Variants in TICRR observed in about 807,000 individuals in gnomAD.
The protein encoded by TICRR is TOPBP1 interacting checkpoint and replication regulator.
In TICRR, 132 loss-of-function variants were observed where a neutral mutation model predicts 178.1. The ratio of observed to expected loss-of-function variants is 0.74; its 90% confidence interval spans 0.64 to 0.86. The LOEUF (loss-of-function observed/expected upper bound fraction) is 0.86. Ranked by LOEUF, TICRR falls within the 40% of genes least tolerant of loss-of-function variation. The pLI is 0.00. For synonymous variants in TICRR, 991 were observed against 900.7 expected (o/e 1.10, Z -1.79); for missense variants, 2,587 against 2,334.3 (o/e 1.11, Z -2.23).
Position 89,608,836 on chromosome 15 carries a change from A to C in TICRR, c.2756A>C (p.Gln919Pro). 6.2e-6 allele frequency: 10 copies of C among 1,603,808 alleles called. No homozygotes were observed. The highest frequency in any genetic ancestry group is 8.5e-6 in the Non-Finnish European group (10 of 1,176,448). The change falls in exon 15 of 22, where the codon CAG (glutamine) becomes CCG (proline). Residue 919 changes from glutamine (Q) to proline (P), a missense_variant. Gln to Pro is a moderately conservative substitution (Grantham distance 76). Transcript: ENST00000268138. ...VTKVRRNLFN[Q>P]ELLSPSKRSL... ...AAAGTTCGAAGAAATCTTTTCAACC[A>C]GGAATTGCTTTCCCCTTCAAAGAGA... is the stretch of plus-strand genomic sequence containing the variant.
intron 1 of TICRR, among the ~76,000 whole-genome samples, chr15:89,577,465 G>A (rs1962643949): frequency 6.6e-6 from 1 of 152,094 alleles, no homozygotes; most frequent in Non-Finnish European, 1.5e-5. Context: ...TGGGGACATG[G>A]TAACCAAAGC....
intron 15 of TICRR, among the ~76,000 whole-genome samples, chr15:89,613,017 T>G (rs1311346318): frequency 1.3e-5 from 2 of 152,248 alleles, no homozygotes; most frequent in African/African-American, 4.8e-5. Context: ...TATAGTTACC[T>G]TTACCAATGC....
Position 89,608,883 on chromosome 15 carries a change from A to G in TICRR, c.2803A>G (p.Arg935Gly). The change falls in exon 15 of 22, where the codon AGA (arginine) becomes GGA (glycine). Residue 935 changes from arginine (R) to glycine (G), a missense_variant. Coordinates refer to ENST00000268138, the MANE Select transcript of TICRR (RefSeq NM_152259.4). ...GAGATCACTAAAGCGGGGGTTGCCT[A>G]GAAGCCATTCTGTGTCAGCTGTGGA... ...SKRSLKRGLP[R>G]SHSVSAVDGL... The G allele has an allele frequency of 3.1e-6, 5 of 1,611,696 alleles. No individual in the cohort carries two copies. The highest frequency in any genetic ancestry group is 4.2e-6 in the Non-Finnish European group (5 of 1,179,242).
intron 15 of TICRR, among the ~76,000 whole-genome samples, chr15:89,614,617 C>T (rs879925093): frequency 5.3e-5 from 8 of 152,350 alleles, no homozygotes; most frequent in Non-Finnish European, 1.0e-4. Flanking sequence ...AAGCATGAGC[C>T]ACTGCACCCA....
chr15:89,577,754 G>A (rs970598080), intron 1 of TICRR, among the ~76,000 whole-genome samples: 1 of 151,604 alleles, frequency 6.6e-6, no homozygotes, highest in African/African-American at 2.4e-5. Flanking sequence ...GATTATAAGC[G>A]GGCGCCACCA....
At chr15:89,590,065 A>C (rs1663024717) in intron 4 of TICRR, among the ~76,000 whole-genome samples, 1 of 152,200 alleles carries the variant, frequency 6.6e-6, no homozygotes, top group Non-Finnish European at 1.5e-5. Flanking sequence ...AAAGGTGAAG[A>C]TGGCATGATG....
In TICRR at chr15:89,603,760, T is replaced by C. The variant is rs138357110; in HGVS notation, c.2664+868T>C. Among the ~76,000 whole-genome samples the C allele has an allele frequency of 3.0e-4, 45 of 152,294 alleles. No homozygotes were observed. In the East Asian group the frequency reaches 7.7e-3, roughly 26 times the overall value. On this transcript the variant is annotated intron_variant, in intron 13 of 21. Transcript: ENST00000268138. Reference sequence around the variant, plus strand: ...TACTGAACCCTATATATAGTACTGTTTTTTCCTATGCATGCATAAGTTCAA... The same window carrying C: ...TACTGAACCCTATATATAGTACTGTCTTTTCCTATGCATGCATAAGTTCAA...
At chr15:89,601,048 G>GAAAAAAA (rs71151515) in intron 9 of TICRR, among the ~76,000 whole-genome samples, 3 of 74,812 alleles carry the variant, frequency 4.0e-5, no homozygotes, top group Non-Finnish European at 7.0e-5. Context: ...CCTGTCTCAG[G>GAAAAAAA]AAAAAAAAAA....
chr15:89,609,659 GA>G (rs1297123824), intron 15 of TICRR, among the ~76,000 whole-genome samples: 2 of 152,052 alleles, frequency 1.3e-5, no homozygotes, highest in Non-Finnish European at 2.9e-5. Context: ...ATTTTTAGTA[GA>G]GACGGGGTTT....
chr15:89,609,604 A>G (rs1478078644), intron 15 of TICRR, among the ~76,000 whole-genome samples: 1 of 151,904 alleles, frequency 6.6e-6, no homozygotes, highest in Non-Finnish European at 1.5e-5. Flanking sequence ...CCTCCCCAGT[A>G]GCTGGGATTA....
rs765855889 is a variant in TICRR, at chr15:89,625,935, G to A, written c.5477-1G>A. On this transcript the variant is annotated splice_acceptor_variant, in intron 20 of 21. Transcript: ENST00000268138. LOFTEE classifies it high-confidence loss of function. ...GCTCTTACTATGTGGGATCTCTTTA[G>A]GCTCCACCCCACCTCCCAGCTGTGC... The A allele has an allele frequency of 6.4e-7, 1 of 1,569,904 alleles. No homozygotes were observed. Among genetic ancestry groups the A allele is most frequent in the Admixed American group, 1.9e-5 (1 of 52,144 alleles).
chr15:89,584,174 A>T, intron 2 of TICRR, 112 bp from the exon 3 acceptor site: 1 of 1,110,478 alleles, frequency 9.0e-7, no homozygotes, highest in East Asian at 2.6e-5. Context: ...CAACTTGATT[A>T]TTTTCTTATT....
At chr15:89,598,419 A>G (rs554567794) in intron 7 of TICRR, among the ~76,000 whole-genome samples, 2 of 152,010 alleles carry the variant, frequency 1.3e-5, no homozygotes, top group Non-Finnish European at 1.5e-5. Context: ...CTGGAGTGCA[A>G]TGGTGCGGTC....
chr15:89,621,332 T>C, intron 18 of TICRR, 61 bp from the exon 19 acceptor site: 1 of 1,531,604 alleles, frequency 6.5e-7, no homozygotes. Flanking sequence ...GCTGTTTTAA[T>C]AGTATTGGAA....
At chr15:89,591,348 T>A (rs1962909273) in intron 4 of TICRR, among the ~76,000 whole-genome samples, 3 of 151,940 alleles carry the variant, frequency 2.0e-5, no homozygotes. Flanking sequence ...GGTCTCAAAC[T>A]CCTGACCTCA....
intron 17 of TICRR, among the ~76,000 whole-genome samples, chr15:89,618,723 A>G (rs1963375413): frequency 6.6e-6 from 1 of 152,218 alleles, no homozygotes; most frequent in Admixed American, 6.5e-5. Context: ...CACTTTGGGA[A>G]GCCAAGTGGG....
At chr15:89,600,886 A>T (rs575104135) in intron 9 of TICRR, among the ~76,000 whole-genome samples, 3 of 151,920 alleles carry the variant, frequency 2.0e-5, no homozygotes, top group South Asian at 2.1e-4. Context: ...CTACCAAAAA[A>T]TTTTTTTTAA....
At position 89,625,047 on chromosome 15, in the gene TICRR, C is replaced by A. The variant is rs1268163455; in HGVS notation, c.4737C>A (p.Asp1579Glu). ...GLPKLRIKKI[D>E]PSSSLEAEPL... The stretch of plus-strand genomic sequence containing the variant: ...CCAAACTTCGAATTAAGAAGATAGA[C>A]CCCAGCTCTTCATTAGAGGCTGAGC... The change falls in exon 20 of 22, where the codon GAC becomes GAA. Residue 1579 changes from aspartate (D) to glutamate (E), a missense_variant. Transcript: ENST00000268138. 6.2e-7 allele frequency: 1 copy of A among 1,614,032 alleles called. No homozygotes were observed.
At chr15:89,589,004 C>T (rs896870003) in intron 4 of TICRR, among the ~76,000 whole-genome samples, 1 of 152,094 alleles carries the variant, frequency 6.6e-6, no homozygotes, top group African/African-American at 2.4e-5. Flanking sequence ...GAACAGCAAG[C>T]TCTCTCCAGC....
Sources: gnomAD v4.1 joint callset for allele counts (sites outside exome capture counted in the v4.1 genomes callset) on GRCh38, gnomAD v4.1.1 for gene constraint, MANE v1.5 for transcripts, NCBI Gene and HGNC (gene_info 2026-07-23, HGNC 2026-07-21) for gene names.